GABRG3: variants seen among roughly 807,000 people sequenced by gnomAD.
GABRG3 encodes gamma-aminobutyric acid receptor subunit gamma-3.
GABRG3 carries 25 observed loss-of-function variants against 48.8 expected under a neutral mutation model. The observed-to-expected ratio is 0.51, with a 90% CI of 0.37 to 0.72. The LOEUF is 0.72. GABRG3 is among the 30% of genes least tolerant of loss of function. The pLI, the probability that GABRG3 is intolerant of heterozygous loss-of-function variation, is 0.00. For missense variants in GABRG3, 394 were observed against 577.9 expected, an observed-to-expected ratio of 0.68 and a Z score of 3.26; for synonymous variants, 227 against 217.6, an observed-to-expected ratio of 1.04 and a Z score of -0.38.
intron 2 of GABRG3, among the ~76,000 whole-genome samples, chr15:26,999,648 C>T (rs111444893): frequency 0.016 from 2,399 of 152,082 alleles, 63 homozygotes; most frequent in African/African-American, 0.051. Context: ...TTTTTGGCTT[C>T]GTACTTTTCA....
intron 6 of GABRG3, among the ~76,000 whole-genome samples, chr15:27,504,323 C>T (rs903094184): frequency 3.3e-5 from 5 of 151,852 alleles, no homozygotes; most frequent in Non-Finnish European, 7.4e-5. Context: ...ATTGATTGAA[C>T]ATATTTTATG....
intron 3 of GABRG3, among the ~76,000 whole-genome samples, chr15:27,249,349 C>T (rs999042312): frequency 1.3e-5 from 2 of 152,340 alleles, no homozygotes; most frequent in South Asian, 2.1e-4. Context: ...AGATTTCCTC[C>T]GCAATCCCGG....
intron 5 of GABRG3, among the ~76,000 whole-genome samples, chr15:27,371,992 G>A (rs1464859771): frequency 6.6e-6 from 1 of 152,030 alleles, no homozygotes; most frequent in African/African-American, 2.4e-5. Context: ...TTCGATGTGG[G>A]CTTTAATTGC....
At chr15:27,241,425 T>C (rs1253875427) in intron 3 of GABRG3, among the ~76,000 whole-genome samples, 4 of 152,344 alleles carry the variant, frequency 2.6e-5, no homozygotes, top group South Asian at 2.1e-4. Flanking sequence ...ACAGCAGCAA[T>C]GGCCTTATTT....
intron 3 of GABRG3, among the ~76,000 whole-genome samples, chr15:27,103,630 A>G (rs752575389): frequency 1.3e-5 from 2 of 152,204 alleles, no homozygotes; most frequent in Non-Finnish European, 2.9e-5. Flanking sequence ...TTTTAAGATT[A>G]CAAACATGTT....
At chr15:27,081,090 C>T (rs532694543) in intron 3 of GABRG3, among the ~76,000 whole-genome samples, 1 of 152,276 alleles carries the variant, frequency 6.6e-6, no homozygotes, top group East Asian at 1.9e-4. Flanking sequence ...GCCTGGCCCA[C>T]ATCAGCAGGA....
At chr15:27,004,313 T>C (rs1338737853) in intron 2 of GABRG3, among the ~76,000 whole-genome samples, 38 of 143,312 alleles carry the variant, frequency 2.7e-4, no homozygotes, top group African/African-American at 9.0e-4. Flanking sequence ...CCAGACGGGG[T>C]GGCGGGGCAG....
intron 2 of GABRG3, among the ~76,000 whole-genome samples, chr15:26,997,333 C>A (rs1291499247): frequency 6.6e-6 from 1 of 152,180 alleles, no homozygotes; most frequent in Non-Finnish European, 1.5e-5. Context: ...TGGGACCCCT[C>A]AAGAGTAGTT....
At chr15:26,986,473 C>T (rs1156993494) in intron 2 of GABRG3, among the ~76,000 whole-genome samples, 1 of 152,140 alleles carries the variant, frequency 6.6e-6, no homozygotes, top group African/African-American at 2.4e-5. Flanking sequence ...ACTTTCCCCA[C>T]CTCTTCCTCA....
At chr15:27,145,471 G>C (rs1221733474) in intron 3 of GABRG3, among the ~76,000 whole-genome samples, 2 of 152,076 alleles carry the variant, frequency 1.3e-5, no homozygotes, top group Non-Finnish European at 2.9e-5. Context: ...GAGAGCATCA[G>C]TTAACATAAA....
intron 3 of GABRG3, among the ~76,000 whole-genome samples, chr15:27,283,568 T>C (rs1245552841): frequency 2.0e-5 from 3 of 152,162 alleles, no homozygotes; most frequent in Admixed American, 6.5e-5. Flanking sequence ...GGCACACAGT[T>C]GCACTCTAGC....
chr15:27,515,582 A>T (rs948285075), intron 6 of GABRG3, among the ~76,000 whole-genome samples: 1 of 152,132 alleles, frequency 6.6e-6, no homozygotes, highest in Non-Finnish European at 1.5e-5. Context: ...GGCTGGATGT[A>T]TCTGTAAGTT....
intron 2 of GABRG3, among the ~76,000 whole-genome samples, chr15:26,998,397 A>G (rs990051266): frequency 1.3e-5 from 2 of 152,098 alleles, no homozygotes; most frequent in Admixed American, 6.5e-5. Context: ...CCAGTATATA[A>G]TGCCAGGGCC....
chr15:27,307,241 T>A (rs1340231238), intron 3 of GABRG3, among the ~76,000 whole-genome samples: 1 of 140,146 alleles, frequency 7.1e-6, no homozygotes, highest in Non-Finnish European at 1.5e-5. Flanking sequence ...ATTATATGTT[T>A]ATATATAACC....
chr15:27,278,791 A>G (rs1007384628), intron 3 of GABRG3, among the ~76,000 whole-genome samples: 1 of 152,222 alleles, frequency 6.6e-6, no homozygotes, highest in African/African-American at 2.4e-5. Context: ...TTTCTCTGAC[A>G]TAAAAGCCAA....
chr15:27,009,934 T>C (rs951872972), intron 2 of GABRG3, among the ~76,000 whole-genome samples: 2 of 151,314 alleles, frequency 1.3e-5, no homozygotes, highest in African/African-American at 4.9e-5. Context: ...TTCTTCTTCT[T>C]TCTTCATTCT....
At chr15:27,322,175 G>A (rs1270949377) in intron 3 of GABRG3, among the ~76,000 whole-genome samples, 1 of 152,062 alleles carries the variant, frequency 6.6e-6, no homozygotes, top group African/African-American at 2.4e-5. Context: ...TTTCTATGTG[G>A]GTGGGAAGTG....
chr15:27,000,307 C>T (rs1895419622), intron 2 of GABRG3, among the ~76,000 whole-genome samples: 1 of 152,132 alleles, frequency 6.6e-6, no homozygotes, highest in East Asian at 1.9e-4. Flanking sequence ...TAGTTGGAAG[C>T]AGCTTGATTC....
At chr15:27,450,593 A>G (rs1889080680) in intron 5 of GABRG3, among the ~76,000 whole-genome samples, 1 of 152,224 alleles carries the variant, frequency 6.6e-6, no homozygotes, top group African/African-American at 2.4e-5. Context: ...TGACTAGCCC[A>G]CATTTATTAC....
Sources: allele counts gnomAD v4.1 joint callset (sites outside exome capture counted in the v4.1 genomes callset), GRCh38; gene constraint gnomAD v4.1.1; transcripts MANE v1.5; gene names NCBI Gene and HGNC (gene_info 2026-07-23, HGNC 2026-07-21).